Variants in GRID1 observed in about 807,000 individuals in gnomAD.
The protein encoded by GRID1 is glutamate ionotropic receptor delta type subunit 1, also known as glutamate receptor ionotropic, delta-1.
GRID1 carries 28 observed loss-of-function variants against 98.0 expected under a neutral mutation model. The ratio of observed to expected loss-of-function variants is 0.29; its 90% CI spans 0.21 to 0.39. The LOEUF is 0.39. Among genes scored for constraint, GRID1 ranks in the 10% least tolerant of loss-of-function variants. The pLI is 1.00. For synonymous variants in GRID1, 553 were observed against 538.5 expected, an observed-to-expected ratio of 1.03 and a Z score of -0.37; for missense variants, 1,111 against 1,340.5, an observed-to-expected ratio of 0.83 and a Z score of 2.67.
chr10:86,107,015 G>C (rs970949220), intron 4 of GRID1, among the ~76,000 whole-genome samples: 7 of 152,160 alleles, frequency 4.6e-5, no homozygotes, highest in African/African-American at 1.7e-4. Context: ...CTCCTGTGGA[G>C]AGTGAGGGCC....
intron 4 of GRID1, among the ~76,000 whole-genome samples, chr10:86,046,464 T>A (rs1007461656): frequency 6.6e-6 from 1 of 152,230 alleles, no homozygotes; most frequent in Admixed American, 6.5e-5. Flanking sequence ...CACTTGGGGC[T>A]TGCCTGCCCT....
chr10:85,727,747 T>G (rs1841777095), intron 10 of GRID1, 108 bp downstream of exon 10: 3 of 748,192 alleles, frequency 4.0e-6, no homozygotes, highest in Admixed American at 4.5e-5. Context: ...GTAACTGTGG[T>G]CTGTTTAGCT....
chr10:85,858,966 A>G (rs1843139386), intron 6 of GRID1, among the ~76,000 whole-genome samples: 1 of 152,248 alleles, frequency 6.6e-6, no homozygotes, highest in African/African-American at 2.4e-5. Flanking sequence ...GACATGACTC[A>G]GAAAGGCCAA....
intron 8 of GRID1, among the ~76,000 whole-genome samples, chr10:85,735,435 C>T (rs1413199011): frequency 1.3e-5 from 2 of 152,138 alleles, no homozygotes; most frequent in East Asian, 3.9e-4. Flanking sequence ...TGCAAGAGAT[C>T]AGCCAATTGG....
At chr10:85,800,758 C>T (rs1258050751) in intron 8 of GRID1, among the ~76,000 whole-genome samples, 3 of 151,998 alleles carry the variant, frequency 2.0e-5, no homozygotes, top group Non-Finnish European at 2.9e-5. Flanking sequence ...TCAGGCAGCA[C>T]GAGTGCTTTG....
At chr10:86,263,580 G>C (rs138792548) in intron 2 of GRID1, among the ~76,000 whole-genome samples, 2,071 of 152,318 alleles carry the variant, frequency 0.014, 29 homozygotes, top group Middle Eastern at 0.041. Context: ...CCCACTGCCT[G>C]GGCTGGAATC....
At chr10:85,630,071 A>T (rs1369351197) in intron 13 of GRID1, among the ~76,000 whole-genome samples, 1 of 152,198 alleles carries the variant, frequency 6.6e-6, no homozygotes, top group African/African-American at 2.4e-5. Context: ...GATAGCCAGA[A>T]TTTGTAAGAC....
At chr10:85,979,991 G>T (rs1261689753) in intron 4 of GRID1, among the ~76,000 whole-genome samples, 1 of 152,226 alleles carries the variant, frequency 6.6e-6, no homozygotes, top group Non-Finnish European at 1.5e-5. Context: ...ACACAAATTT[G>T]ATAAAAGCAG....
chr10:86,330,016 C>A (rs1848115009), intron 2 of GRID1, among the ~76,000 whole-genome samples: 1 of 152,180 alleles, frequency 6.6e-6, no homozygotes, highest in Admixed American at 6.5e-5. Flanking sequence ...AGCTAGCCAG[C>A]AGGACTTTCC....
rs1056072853 is a variant in GRID1 at position 86,150,823 on chromosome 10, A to C, written c.521-11799T>G. On this transcript the variant is annotated intron_variant, in intron 3 of 15. Transcript: ENST00000327946. ...ATCTTTTTCTCTCCACCAGGTGCGC[A>C]CACTGAGAGAAGATGGCCAACTGCA... Among the ~76,000 whole-genome samples the C allele has an allele frequency of 2.6e-5, 4 of 152,204 alleles. No homozygotes were observed. The East Asian group carries it at 5.8e-4, about 22-fold the overall frequency.
At chr10:85,861,022 T>C (rs868469177) in intron 6 of GRID1, among the ~76,000 whole-genome samples, 1 of 152,232 alleles carries the variant, frequency 6.6e-6, no homozygotes, top group Middle Eastern at 3.4e-3. Context: ...CAGAAATGAA[T>C]AGAAGAGGCA....
chr10:85,631,059 T>C (rs932967970), intron 13 of GRID1, among the ~76,000 whole-genome samples: 1 of 152,262 alleles, frequency 6.6e-6, no homozygotes, highest in African/African-American at 2.4e-5. Flanking sequence ...CTCTACTTTA[T>C]GCTTTACCAG....
intron 8 of GRID1, among the ~76,000 whole-genome samples, chr10:85,837,669 C>T (rs1334049297): frequency 6.6e-6 from 1 of 151,222 alleles, no homozygotes; most frequent in East Asian, 1.9e-4. Flanking sequence ...AGGTCAGCAA[C>T]CTCAAAGATT....
chr10:85,976,858 G>T (rs1564640170), intron 4 of GRID1, among the ~76,000 whole-genome samples: 1 of 152,196 alleles, frequency 6.6e-6, no homozygotes, highest in Non-Finnish European at 1.5e-5. Context: ...TGTTTCTAAG[G>T]CCTCAGGAAA....
intron 2 of GRID1, among the ~76,000 whole-genome samples, chr10:86,243,651 C>G (rs941466414): frequency 5.9e-5 from 9 of 152,262 alleles, no homozygotes; most frequent in Middle Eastern, 3.4e-3. Context: ...CCTTAATTTT[C>G]AAAAATAGTC....
chr10:85,602,836 C>T, intron 15 of GRID1, 135 bp from the exon 16 acceptor site: 1 of 625,778 alleles, frequency 1.6e-6, no homozygotes, highest in Non-Finnish European at 2.8e-6. Flanking sequence ...TTTCATGTGG[C>T]TCCCACCTCC....
intron 2 of GRID1, among the ~76,000 whole-genome samples, chr10:86,230,247 C>T (rs1902682): frequency 0.15 from 23,304 of 152,124 alleles, 2,231 homozygotes; most frequent in East Asian, 0.45. Context: ...CCTACCCCAA[C>T]CCAGACTGGG....
intron 2 of GRID1, among the ~76,000 whole-genome samples, chr10:86,338,809 C>T (rs769761437): frequency 7.2e-5 from 11 of 152,164 alleles, no homozygotes; most frequent in Non-Finnish European, 1.0e-4. Context: ...CCGCCTGCCT[C>T]GGCCTCCCAA....
intron 4 of GRID1, among the ~76,000 whole-genome samples, chr10:85,917,299 A>C (rs901215025): frequency 7.0e-6 from 1 of 143,648 alleles, no homozygotes; most frequent in Non-Finnish European, 1.5e-5. Context: ...TCCTTTTATC[A>C]AAAAAAAAAT....
Sources: allele counts gnomAD v4.1 joint callset (sites outside exome capture counted in the v4.1 genomes callset), GRCh38; gene constraint gnomAD v4.1.1; transcripts MANE v1.5; gene names NCBI Gene and HGNC (gene_info 2026-07-23, HGNC 2026-07-21).